The following AKAP13 variants were observed in gnomAD, a reference collection of about 807,000 sequenced individuals.
AKAP13 encodes A-kinase anchor protein 13.
In AKAP13, 80 loss-of-function variants were observed where a neutral mutation model predicts 264.5. The ratio of observed to expected loss-of-function variants is 0.30; its 90% CI spans 0.25 to 0.36. The LOEUF (loss-of-function observed/expected upper bound fraction) is 0.36. Among genes scored for constraint, AKAP13 ranks in the 10% least tolerant of loss-of-function variants. AKAP13 has a pLI of 1.00. For synonymous variants in AKAP13, 1,380 were observed against 1,250.2 expected (o/e 1.10, Z -2.19); for missense variants, 3,712 against 3,435.2 (o/e 1.08, Z -2.01).
chr15:85,515,747 T>C (rs1222700593), intron 2 of AKAP13, among the ~76,000 whole-genome samples: 1 of 138,602 alleles, frequency 7.2e-6, no homozygotes, highest in Non-Finnish European at 1.5e-5. Context: ...ATTGAAGTTA[T>C]GCATTTTTGT....
At position 85,575,226 on chromosome 15, in the gene AKAP13, A is replaced by T; in HGVS notation, c.758A>T (p.Tyr253Phe). 6.2e-7 allele frequency: 1 copy of T among 1,614,178 alleles called. No homozygotes were observed. Among genetic ancestry groups the T allele is most frequent in the Non-Finnish European group, 8.5e-7 (1 of 1,180,018 alleles). The change falls in exon 6 of 37, where the codon TAT becomes TTT. Residue 253 changes from tyrosine (Y) to phenylalanine (F), a missense_variant. Physicochemically the swap from Tyr to Phe is conservative, Grantham distance 22. Transcript: ENST00000394518. ...AGGCATCATCGAGAGTTGGACATCT[A>T]TACATTAACCTCTGAGTCTGATTCA... ...SVRHHRELDIYTLTSESDSHH... is the reference protein window; with the variant it reads ...SVRHHRELDIFTLTSESDSHH...
In AKAP13 at chr15:85,746,257, G is replaced by T. The variant is rs2089365848; in HGVS notation, c.*1580G>T. 1 of 152,520 alleles carries T rather than the reference G, an allele frequency of 6.6e-6. No homozygotes were observed. The highest frequency in any genetic ancestry group is 2.1e-4 in the South Asian group (1 of 4,822). 9.4% of individuals were successfully genotyped at this position (152,520 alleles called of 1,614,324 possible). On this transcript the variant is annotated 3_prime_UTR_variant, in exon 37 of 37. Transcript: ENST00000394518. The stretch of plus-strand genomic sequence containing the variant: ...TTTCAGTTTATTTGAAAGAGGTCTG[G>T]TTTAAAATTTGTAGCCTACATTTGT...
At chr15:85,473,509 A>T (rs2075042149) in intron 1 of AKAP13, among the ~76,000 whole-genome samples, 1 of 152,238 alleles carries the variant, frequency 6.6e-6, no homozygotes, top group Admixed American at 6.5e-5. Context: ...ACATAAGTTA[A>T]ATAGGCCCCA....
At chr15:85,385,515 C>A (rs1030410475) in intron 1 of AKAP13, among the ~76,000 whole-genome samples, 1 of 152,232 alleles carries the variant, frequency 6.6e-6, no homozygotes, top group Non-Finnish European at 1.5e-5. Flanking sequence ...CAGAATTCTT[C>A]TGAGCCCTTT....
Position 85,744,754 on chromosome 15 carries a change from G to GTC in AKAP13, c.*81_*82dup, listed in dbSNP as rs1456868618. ...TCTCCTGCTGTCCCCGCGTGCACAA[G>GTC]TCTCTTACACTGGACGCCCACTGCT... On this transcript the variant is annotated 3_prime_UTR_variant, in exon 37 of 37. Coordinates refer to ENST00000394518, the MANE Select transcript of AKAP13 (RefSeq NM_007200.5). The GTC allele has an allele frequency of 2.9e-6, 4 of 1,398,730 alleles. No homozygotes were observed. The highest frequency in any genetic ancestry group is 3.9e-6 in the Non-Finnish European group (4 of 1,029,878). 86.6% of individuals were successfully genotyped at this position (1,398,730 alleles called of 1,614,324 possible). A position where few individuals can be genotyped will look rare whatever the true frequency, so the allele number is the denominator to read the frequency against.
chr15:85,600,020 G>T lies in AKAP13; in HGVS notation c.4161+14197G>T, dbSNP rs565508220. Among the ~76,000 whole-genome samples the T allele has an allele frequency of 2.0e-5, 3 of 152,276 alleles. No individual in the cohort carries two copies. The East Asian group carries it at 5.8e-4, about 29-fold the overall frequency. ...TGAAATATGACTGATGTGGAGTGTT[G>T]CCTTGATCCTTCCTCTTTTATTAAG... On this transcript the variant is annotated intron_variant, in intron 8 of 36. Coordinates refer to ENST00000394518, the MANE Select transcript of AKAP13 (RefSeq NM_007200.5).
intron 14 of AKAP13, chr15:85,676,829 A>C: frequency 1.5e-6 from 1 of 677,060 alleles, no homozygotes. Context: ...AATGGAGATG[A>C]GAATGTAAAC....
chr15:85,531,318 A>G (rs545850811), intron 3 of AKAP13, among the ~76,000 whole-genome samples: 1 of 152,318 alleles, frequency 6.6e-6, no homozygotes, highest in East Asian at 1.9e-4. Context: ...ACTTCATTGC[A>G]GTTATCTGCA....
chr15:85,450,152 G>A (rs1567063334), intron 1 of AKAP13, among the ~76,000 whole-genome samples: 1 of 151,976 alleles, frequency 6.6e-6, no homozygotes, highest in Non-Finnish European at 1.5e-5. Flanking sequence ...GGGTGGGGGT[G>A]TATGTGTCCA....
chr15:85,553,499 AT>A (rs2078036522), intron 5 of AKAP13, among the ~76,000 whole-genome samples: 1 of 152,188 alleles, frequency 6.6e-6, no homozygotes, highest in South Asian at 2.1e-4. Flanking sequence ...CTTAATATTC[AT>A]TTTAACTGTC....
At chr15:85,674,743 G>A (rs901894406) in intron 14 of AKAP13, among the ~76,000 whole-genome samples, 1 of 152,086 alleles carries the variant, frequency 6.6e-6, no homozygotes, top group Non-Finnish European at 1.5e-5. Context: ...TGGAAAGTTA[G>A]GCATCAGTGC....
chr15:85,608,506 G>A (rs1291991775), intron 8 of AKAP13, among the ~76,000 whole-genome samples: 3 of 152,204 alleles, frequency 2.0e-5, no homozygotes, highest in African/African-American at 7.2e-5. Flanking sequence ...ACATGCAGTA[G>A]CAATGAACAA....
rs1051060692 is a variant in AKAP13, at chr15:85,514,424, C to T, written c.34-7004C>T. Among the ~76,000 whole-genome samples, 18 of 138,110 alleles carry T rather than the reference C, an allele frequency of 1.3e-4. 4 individuals are homozygous for T. Among genetic ancestry groups the T allele is most frequent in the Admixed American group, 6.5e-4 (9 of 13,746 alleles). 90.6% of individuals were successfully genotyped at this position (138,110 alleles called of 152,430 possible). The stretch of plus-strand genomic sequence containing the variant: ...CTGTGTCCTTAAGACATGGCCCCAT[C>T]GTTTTTTTGAGCACTTCATTGTTTT... On this transcript the variant is annotated intron_variant, in intron 2 of 36. Transcript: ENST00000394518.
intron 4 of AKAP13, chr15:85,536,873 G>A (rs1400642828): frequency 6.6e-6 from 1 of 152,168 alleles, no homozygotes; most frequent in Non-Finnish European, 1.5e-5. Flanking sequence ...TGGGTTGTTG[G>A]AGTTGTTTTG....
intron 5 of AKAP13, among the ~76,000 whole-genome samples, chr15:85,547,661 A>G (rs2077802939): frequency 6.6e-6 from 1 of 152,134 alleles, no homozygotes; most frequent in African/African-American, 2.4e-5. Context: ...TTATATTTAG[A>G]TCTTACATTA....
chr15:85,463,808 T>G (rs954143944), intron 1 of AKAP13, among the ~76,000 whole-genome samples: 20 of 148,110 alleles, frequency 1.4e-4, no homozygotes, highest in African/African-American at 5.0e-4. Context: ...GGTCTTTACT[T>G]TTTTTTTTTT....
At chr15:85,690,597 G>A (rs2085226291) in intron 16 of AKAP13, among the ~76,000 whole-genome samples, 1 of 152,134 alleles carries the variant, frequency 6.6e-6, no homozygotes, top group Admixed American at 6.6e-5. Context: ...TTCATTATAT[G>A]TATTTGATTA....
intron 5 of AKAP13, among the ~76,000 whole-genome samples, chr15:85,567,032 G>T (rs567470049): frequency 1.3e-5 from 2 of 152,242 alleles, no homozygotes; most frequent in East Asian, 3.9e-4. Context: ...TAGATGCATA[G>T]TAATGTAGAT....
chr15:85,417,788 A>G (rs1334348288), intron 1 of AKAP13, among the ~76,000 whole-genome samples: 1 of 152,186 alleles, frequency 6.6e-6, no homozygotes, highest in Non-Finnish European at 1.5e-5. Flanking sequence ...CAGCTTATGT[A>G]TTAAGCAGCT....
Sources: allele counts gnomAD v4.1 joint callset (sites outside exome capture counted in the v4.1 genomes callset), GRCh38; gene constraint gnomAD v4.1.1; transcripts MANE v1.5; gene names NCBI Gene and HGNC (gene_info 2026-07-23, HGNC 2026-07-21).